Variants in SPAG16 observed in about 807,000 individuals in gnomAD.
SPAG16 encodes the protein sperm associated antigen 16.
A neutral mutation model predicts 80.4 loss-of-function variants in SPAG16; 86 were observed. The observed-to-expected ratio is 1.07, with a 90% CI of 0.90 to 1.28. The LOEUF (loss-of-function observed/expected upper bound fraction) is 1.28. Ranked by LOEUF, SPAG16 falls within the 50% of genes most tolerant of loss-of-function variation. The pLI, the probability that SPAG16 is intolerant of heterozygous loss-of-function variation, is 0.00. For synonymous variants in SPAG16, 294 were observed against 265.9 expected (o/e 1.11, Z -1.03); for missense variants, 870 against 765.3 (o/e 1.14, Z -1.61).
chr2:213,829,615 T>G (rs1161779288), intron 10 of SPAG16, among the ~76,000 whole-genome samples: 1 of 152,132 alleles, frequency 6.6e-6, no homozygotes, highest in Non-Finnish European at 1.5e-5. Flanking sequence ...GGATCACACC[T>G]GAAGGCAGTG....
chr2:213,586,064 A>G (rs2060462370), intron 10 of SPAG16, among the ~76,000 whole-genome samples: 1 of 152,224 alleles, frequency 6.6e-6, no homozygotes, highest in Non-Finnish European at 1.5e-5. Flanking sequence ...CATAAGAAAG[A>G]AGTAGTACAT....
chr2:214,186,444 A>G (rs1028281249), intron 15 of SPAG16, among the ~76,000 whole-genome samples: 1 of 152,180 alleles, frequency 6.6e-6, no homozygotes, highest in East Asian at 1.9e-4. Context: ...GAGAAGAATG[A>G]GGAGTGAAGA....
chr2:214,108,092 G>T, intron 13 of SPAG16, 104 bp from the exon 14 acceptor site: 2 of 777,602 alleles, frequency 2.6e-6, no homozygotes, highest in East Asian at 2.6e-5. Flanking sequence ...ATTAATTCTG[G>T]GAGGAGGGGC....
At chr2:213,946,630 A>C (rs1398573188) in intron 12 of SPAG16, among the ~76,000 whole-genome samples, 1 of 152,222 alleles carries the variant, frequency 6.6e-6, no homozygotes, top group East Asian at 1.9e-4. Context: ...TATTGTCAAA[A>C]TTAGGAAATT....
At chr2:213,824,179 C>A (rs981042576) in intron 10 of SPAG16, among the ~76,000 whole-genome samples, 2 of 152,102 alleles carry the variant, frequency 1.3e-5, no homozygotes, top group Admixed American at 1.3e-4. Context: ...GATCCTTTCC[C>A]CATTGTTTGT....
rs755345457 is a variant in SPAG16 at position 213,322,334 on chromosome 2, C to CA, written c.536+5000dup. Among the ~76,000 whole-genome samples the CA allele has an allele frequency of 4.2e-3, 99 of 23,658 alleles. 4 individuals carry two copies. The highest frequency in any genetic ancestry group is 7.5e-3 in the African/African-American group (51 of 6,812). 15.5% of individuals were successfully genotyped at this position (23,658 alleles called of 152,430 possible). A position where few individuals can be genotyped will look rare whatever the true frequency, so the allele number is the denominator to read the frequency against. ...TCTTCTTTCCATAGTGTAGACAATG[C>CA]AAAAAAAAAAAAAAAAAAAAAACAA... is the stretch of plus-strand genomic sequence containing the variant. On this transcript the variant is annotated intron_variant, in intron 5 of 15. Coordinates refer to ENST00000331683, the MANE Select transcript of SPAG16 (RefSeq NM_024532.5).
At chr2:214,081,943 G>A (rs569066828) in intron 13 of SPAG16, among the ~76,000 whole-genome samples, 1 of 152,074 alleles carries the variant, frequency 6.6e-6, no homozygotes, top group East Asian at 1.9e-4. Context: ...TAGAACTCAA[G>A]AGAGCTGGGG....
At chr2:213,909,158 T>C (rs1164008168) in intron 11 of SPAG16, among the ~76,000 whole-genome samples, 21 of 152,148 alleles carry the variant, frequency 1.4e-4, no homozygotes, top group Non-Finnish European at 2.6e-4. Flanking sequence ...TACTTAGGAA[T>C]CCAACTTACA....
rs568154765 is a variant in SPAG16, at chr2:213,403,017, T to G, written c.942+27898T>G. Among the ~76,000 whole-genome samples the G allele has an allele frequency of 4.2e-3, 641 of 152,046 alleles. 5 individuals are homozygous for G. The highest frequency in any genetic ancestry group is 0.015 in the African/African-American group (609 of 41,404). Reference sequence around the variant, plus strand: ...GGAATCGCCACACTGACTTCCACAATGGTTGAACTAGTTTACAGTCCCACC... The same window carrying G: ...GGAATCGCCACACTGACTTCCACAAGGGTTGAACTAGTTTACAGTCCCACC... On this transcript the variant is annotated intron_variant, in intron 9 of 15. Transcript: ENST00000331683.
At chr2:214,386,293 G>T (rs1700746992) in intron 15 of SPAG16, among the ~76,000 whole-genome samples, 2 of 152,108 alleles carry the variant, frequency 1.3e-5, no homozygotes, top group Admixed American at 1.3e-4. Flanking sequence ...TGAGGTGGTG[G>T]GATGGCTTTA....
At chr2:213,616,239 T>C (rs2061593528) in intron 10 of SPAG16, among the ~76,000 whole-genome samples, 1 of 152,232 alleles carries the variant, frequency 6.6e-6, no homozygotes, top group South Asian at 2.1e-4. Context: ...CACTTTCTGA[T>C]GTTCTATGAT....
intron 14 of SPAG16, among the ~76,000 whole-genome samples, chr2:214,146,078 G>T (rs1312179161): frequency 6.6e-6 from 1 of 152,106 alleles, no homozygotes; most frequent in South Asian, 2.1e-4. Flanking sequence ...CTTTCATTAA[G>T]ATTGTCATGA....
At chr2:214,288,293 T>G (rs935792235) in intron 15 of SPAG16, among the ~76,000 whole-genome samples, 8 of 152,210 alleles carry the variant, frequency 5.3e-5, no homozygotes, top group African/African-American at 1.9e-4. Context: ...TTTGTGTAAA[T>G]ATACTGTATT....
At chr2:214,002,600 A>C (rs1479366691) in intron 12 of SPAG16, among the ~76,000 whole-genome samples, 1 of 152,140 alleles carries the variant, frequency 6.6e-6, no homozygotes, top group East Asian at 1.9e-4. Flanking sequence ...CTGGAGGCAC[A>C]GGAAAGCCAG....
intron 9 of SPAG16, among the ~76,000 whole-genome samples, chr2:213,384,662 G>A (rs966111701): frequency 4.6e-5 from 7 of 152,124 alleles, no homozygotes; most frequent in African/African-American, 1.4e-4. Flanking sequence ...TTTTCATAGG[G>A]ACTGAACTTC....
intron 15 of SPAG16, among the ~76,000 whole-genome samples, chr2:214,189,291 C>G (rs1485296875): frequency 6.6e-6 from 1 of 151,698 alleles, no homozygotes; most frequent in South Asian, 2.1e-4. Flanking sequence ...CTTTTGAGAA[C>G]AGAAGACTAA....
At chr2:213,779,652 G>A (rs1018922885) in intron 10 of SPAG16, among the ~76,000 whole-genome samples, 2 of 152,186 alleles carry the variant, frequency 1.3e-5, no homozygotes, top group Non-Finnish European at 2.9e-5. Context: ...GTAGTCATGA[G>A]ATGTTGAGAT....
At chr2:213,564,021 A>T (rs2059680055) in intron 10 of SPAG16, among the ~76,000 whole-genome samples, 1 of 152,210 alleles carries the variant, frequency 6.6e-6, no homozygotes. Context: ...AAAGAAGATA[A>T]CATCTACCTA....
intron 13 of SPAG16, 55 bp downstream of exon 13, chr2:214,014,132 G>A (rs1415824878): frequency 1.8e-5 from 28 of 1,596,352 alleles, no homozygotes; most frequent in Non-Finnish European, 2.4e-5. Flanking sequence ...ATTACTCTCG[G>A]TCATTCTTTG....
Sources: allele counts gnomAD v4.1 joint callset (sites outside exome capture counted in the v4.1 genomes callset), GRCh38; gene constraint gnomAD v4.1.1; transcripts MANE v1.5; gene names NCBI Gene and HGNC (gene_info 2026-07-23, HGNC 2026-07-21).